Variants in SORCS1 observed in about 807,000 individuals in gnomAD.
The protein encoded by SORCS1 is VPS10 domain-containing receptor SorCS1.
A neutral mutation model predicts 146.1 loss-of-function variants in SORCS1; 60 were observed. That is an observed-to-expected ratio of 0.41 (90% CI 0.33 to 0.51). The LOEUF is 0.51. Among genes scored for constraint, SORCS1 ranks in the 20% least tolerant of loss-of-function variants. SORCS1 has a pLI of 0.21. For missense variants in SORCS1, 1,352 were observed against 1,487.6 expected, an observed-to-expected ratio of 0.91 and a Z score of 1.50; for synonymous variants, 637 against 584.0, an observed-to-expected ratio of 1.09 and a Z score of -1.31.
chr10:106,853,349 C>T (rs1949662387), intron 2 of SORCS1, among the ~76,000 whole-genome samples: 1 of 150,984 alleles, frequency 6.6e-6, no homozygotes, highest in Admixed American at 6.6e-5. Context: ...GTATTTTGTG[C>T]TCCCTCTCTT....
At chr10:106,850,991 A>G (rs1235287743) in intron 2 of SORCS1, among the ~76,000 whole-genome samples, 4 of 152,134 alleles carry the variant, frequency 2.6e-5, no homozygotes, top group Non-Finnish European at 1.5e-5. Context: ...CTCACATGCA[A>G]TCCAACAACA....
Position 106,692,381 on chromosome 10 carries a change from A to G in SORCS1, c.1414-4043T>C, listed in dbSNP as rs563985321. Among the ~76,000 whole-genome samples the G allele has an allele frequency of 1.2e-3, 188 of 151,916 alleles. 1 individual carries two copies. The highest frequency in any genetic ancestry group is 3.9e-3 in the African/African-American group (160 of 41,406). On this transcript the variant is annotated intron_variant, in intron 9 of 25. Transcript: ENST00000263054. Reference sequence around the variant, plus strand: ...AGCGCCAGCCCCTGTTTTTTTTCCTACTGAAATAGGTAGTAAGAGTTCTGC... The same window carrying G: ...AGCGCCAGCCCCTGTTTTTTTTCCTGCTGAAATAGGTAGTAAGAGTTCTGC...
intron 2 of SORCS1, among the ~76,000 whole-genome samples, chr10:106,877,416 C>G (rs1489297201): frequency 1.3e-5 from 2 of 148,350 alleles, no homozygotes; most frequent in Non-Finnish European, 2.9e-5. Flanking sequence ...GACCCTGTTT[C>G]TACAAAAAAA....
At chr10:107,073,429 C>T (rs1270102538) in intron 1 of SORCS1, among the ~76,000 whole-genome samples, 1 of 152,030 alleles carries the variant, frequency 6.6e-6, no homozygotes, top group African/African-American at 2.4e-5. Context: ...AGGATTCTGC[C>T]CTCTAATTGA....
intron 24 of SORCS1, among the ~76,000 whole-genome samples, chr10:106,594,040 T>C (rs930269849): frequency 6.6e-6 from 1 of 152,242 alleles, no homozygotes; most frequent in Middle Eastern, 3.2e-3. Flanking sequence ...TAACATATCA[T>C]GGTTATCAGG....
chr10:106,808,919 A>T (rs1227596384), intron 3 of SORCS1, among the ~76,000 whole-genome samples: 1 of 152,070 alleles, frequency 6.6e-6, no homozygotes, highest in Non-Finnish European at 1.5e-5. Context: ...AACTCCCTCC[A>T]CTCTAGAGGT....
chr10:107,010,575 C>A (rs575963348), intron 1 of SORCS1, among the ~76,000 whole-genome samples: 3 of 152,156 alleles, frequency 2.0e-5, no homozygotes, highest in Non-Finnish European at 4.4e-5. Context: ...CGCTTTGTGA[C>A]GTCAAGCTGC....
At chr10:106,707,541 C>T (rs770708092) in intron 7 of SORCS1, among the ~76,000 whole-genome samples, 14 of 152,224 alleles carry the variant, frequency 9.2e-5, no homozygotes, top group Middle Eastern at 6.8e-3. Flanking sequence ...ACTCTATTGC[C>T]CAGGGCTAGA....
At chr10:106,585,168 G>A (rs1456593125) in intron 24 of SORCS1, among the ~76,000 whole-genome samples, 1 of 151,282 alleles carries the variant, frequency 6.6e-6, no homozygotes, top group Non-Finnish European at 1.5e-5. Context: ...AGCTTGCAGT[G>A]AGCCAAGATC....
intron 6 of SORCS1, among the ~76,000 whole-genome samples, chr10:106,726,994 G>A (rs2135986478): frequency 6.6e-6 from 1 of 151,950 alleles, no homozygotes; most frequent in East Asian, 2.0e-4. Flanking sequence ...GCTGAGGCAG[G>A]AGAATGGCCT....
chr10:106,946,894 G>T (rs984462370), intron 2 of SORCS1, among the ~76,000 whole-genome samples: 5 of 152,138 alleles, frequency 3.3e-5, no homozygotes, highest in Non-Finnish European at 5.9e-5. Flanking sequence ...AGAGATGTTT[G>T]TTGAACAAAA....
chr10:106,928,128 C>A (rs1953174769), intron 2 of SORCS1, among the ~76,000 whole-genome samples: 2 of 152,216 alleles, frequency 1.3e-5, no homozygotes, highest in Non-Finnish European at 2.9e-5. Flanking sequence ...CTTGGGTGGT[C>A]GATGGGACTG....
intron 5 of SORCS1, among the ~76,000 whole-genome samples, chr10:106,749,832 A>G (rs929005514): frequency 1.3e-5 from 2 of 152,200 alleles, no homozygotes; most frequent in African/African-American, 4.8e-5. Flanking sequence ...TACAATGAGT[A>G]TACGAGGAAG....
At chr10:107,068,757 C>G (rs1250199899) in intron 1 of SORCS1, among the ~76,000 whole-genome samples, 1 of 151,748 alleles carries the variant, frequency 6.6e-6, no homozygotes, top group Admixed American at 6.6e-5. Flanking sequence ...GTAGTCCCAG[C>G]TACTTGGGAG....
Position 106,872,428 on chromosome 10 carries a change from CTG to C in SORCS1, c.627-42757_627-42756del, listed in dbSNP as rs539035857. On this transcript the variant is annotated intron_variant, in intron 2 of 25. Coordinates refer to ENST00000263054, the MANE Select transcript of SORCS1 (RefSeq NM_052918.5). ...CAAAGATGATCATTCACCACGATAA[CTG>C]TGCCTAAACCACAATAAGCCTTGCA... Among the ~76,000 whole-genome samples the C allele has an allele frequency of 6.5e-4, 99 of 152,322 alleles. No homozygotes were observed. The Middle Eastern group carries it at 0.027, about 42-fold the overall frequency.
rs3044191 is a variant in SORCS1, at chr10:106,581,322, T to TACACACACAC, written c.3266-1858_3266-1849dup. 5.6e-3 allele frequency among the ~76,000 whole-genome samples: 803 copies of TACACACACAC among 142,424 alleles called. 9 individuals carry two copies. The highest frequency in any genetic ancestry group is 0.019 in the African/African-American group (755 of 39,134). The allele number at this position is 142,424 out of a possible 152,430, so 93.4% of individuals were successfully genotyped here. On this transcript the variant is annotated intron_variant, in intron 24 of 25. Transcript: ENST00000263054. ...AGACTTGAACCTGAATCGTCATACA[T>TACACACACAC]ACACACACACACACACACACACACA...
intron 6 of SORCS1, among the ~76,000 whole-genome samples, chr10:106,723,195 C>T (rs1188932564): frequency 1.3e-5 from 2 of 152,058 alleles, no homozygotes; most frequent in Non-Finnish European, 2.9e-5. Flanking sequence ...ATGTTTTGGG[C>T]TCTAAGTTAT....
chr10:107,059,429 C>T (rs933298875), intron 1 of SORCS1, among the ~76,000 whole-genome samples: 3 of 152,136 alleles, frequency 2.0e-5, no homozygotes, highest in Non-Finnish European at 4.4e-5. Context: ...AATTACTTTG[C>T]TTTGTTTTCC....
At chr10:106,836,030 C>A in intron 2 of SORCS1, among the ~76,000 whole-genome samples, 1 of 151,060 alleles carries the variant, frequency 6.6e-6, no homozygotes, top group African/African-American at 2.4e-5. Flanking sequence ...TCCTAACAGA[C>A]AACATCATAA....
Sources: gnomAD v4.1 joint callset for allele counts (sites outside exome capture counted in the v4.1 genomes callset) on GRCh38, gnomAD v4.1.1 for gene constraint, MANE v1.5 for transcripts, NCBI Gene and HGNC (gene_info 2026-07-23, HGNC 2026-07-21) for gene names.